BICD1: variants seen among roughly 807,000 people sequenced by gnomAD.
The protein encoded by BICD1 is protein bicaudal D homolog 1.
Under a neutral mutation model 92.5 loss-of-function variants are expected in BICD1, and 35 were observed. The observed-to-expected ratio is 0.38, with a 90% CI of 0.29 to 0.50. The LOEUF is 0.50. BICD1 is among the 20% of genes least tolerant of loss of function. BICD1 has a pLI of 0.93. For synonymous variants in BICD1, 429 were observed against 465.1 expected, an observed-to-expected ratio of 0.92 and a Z score of 1.00; for missense variants, 950 against 1,189.8, an observed-to-expected ratio of 0.80 and a Z score of 2.97.
intron 1 of BICD1, chr12:32,109,117 G>A: frequency 6.5e-6 from 1 of 154,500 alleles, no homozygotes; most frequent in Non-Finnish European, 1.4e-5. Flanking sequence ...ACCTCTTACT[G>A]ACTTTGCTGC....
intron 1 of BICD1, among the ~76,000 whole-genome samples, chr12:32,199,913 G>T (rs1944856868): frequency 6.6e-6 from 1 of 151,848 alleles, no homozygotes; most frequent in Non-Finnish European, 1.5e-5. Flanking sequence ...ATGCTTTAAG[G>T]CCCAGGAAAA....
At chr12:32,252,066 T>C (rs1206060189) in intron 2 of BICD1, among the ~76,000 whole-genome samples, 3 of 75,992 alleles carry the variant, frequency 3.9e-5, no homozygotes, top group Non-Finnish European at 5.1e-5. Flanking sequence ...ATATATTATA[T>C]ATTTATAATA....
intron 9 of BICD1, among the ~76,000 whole-genome samples, chr12:32,376,574 T>G (rs1437456064): frequency 6.6e-6 from 1 of 151,170 alleles, no homozygotes; most frequent in Non-Finnish European, 1.5e-5. Context: ...ACTTAACAAA[T>G]GGGAAATGTT....
intron 1 of BICD1, among the ~76,000 whole-genome samples, chr12:32,169,900 A>G (rs901488242): frequency 6.6e-6 from 1 of 152,206 alleles, no homozygotes; most frequent in Admixed American, 6.5e-5. Context: ...CTGGCCCCCA[A>G]GATACACTTT....
At chr12:32,215,793 CA>C (rs11316550) in intron 1 of BICD1, among the ~76,000 whole-genome samples, 102,205 of 148,528 alleles carry the variant, frequency 0.69, 35,540 homozygotes, top group East Asian at 0.88. Flanking sequence ...ACTAAAAATA[CA>C]AAAAAAAAAA....
At chr12:32,115,387 G>GTTTTTTTTTTT (rs4035442) in intron 1 of BICD1, among the ~76,000 whole-genome samples, 5 of 142,416 alleles carry the variant, frequency 3.5e-5, no homozygotes, top group Non-Finnish European at 7.6e-5. Context: ...GGTGTTTTTG[G>GTTTTTTTTTTT]TTTTTTTTTT....
intron 1 of BICD1, chr12:32,107,898 C>T (rs941177407): frequency 1.7e-6 from 1 of 580,858 alleles, no homozygotes; most frequent in South Asian, 2.0e-5. Flanking sequence ...CAGGTTTCAG[C>T]GACAATTTCG....
intron 1 of BICD1, among the ~76,000 whole-genome samples, chr12:32,215,298 T>C (rs909611345): frequency 3.3e-5 from 5 of 152,176 alleles, no homozygotes; most frequent in Admixed American, 2.6e-4. Context: ...TTCTGTCACG[T>C]TTCAGTCTCC....
At chr12:32,341,010 C>T (rs77529195) in intron 8 of BICD1, among the ~76,000 whole-genome samples, 6,570 of 152,250 alleles carry the variant, frequency 0.043, 455 homozygotes, top group African/African-American at 0.15. Flanking sequence ...GCCCATAAAA[C>T]ACTTTCCCTT....
rs1424082544 is a variant in BICD1 at position 32,377,536 on chromosome 12, C to T, written c.2841-4C>T. On this transcript the variant is annotated splice_region_variant and splice_polypyrimidine_tract_variant and intron_variant, in intron 9 of 9. Coordinates refer to ENST00000652176, the MANE Select transcript of BICD1 (RefSeq NM_001714.4). ...TTGCTGACGTGCTTGTTTCTCCTTT[C>T]CAGTCCTGACACAGCTCTCCCTGAG... 6.2e-7 allele frequency: 1 copy of T among 1,613,454 alleles called. No individual in the cohort carries two copies.
chr12:32,196,033 T>C (rs2121535353), intron 1 of BICD1, among the ~76,000 whole-genome samples: 1 of 152,196 alleles, frequency 6.6e-6, no homozygotes, highest in African/African-American at 2.4e-5. Flanking sequence ...CTGACAGACA[T>C]GTGAAAAGTT....
At chr12:32,243,498 G>A (rs1023852071) in intron 2 of BICD1, among the ~76,000 whole-genome samples, 2 of 151,820 alleles carry the variant, frequency 1.3e-5, no homozygotes, top group African/African-American at 4.8e-5. Context: ...TTGATCAAAT[G>A]GTAGAAGACT....
At position 32,148,005 on chromosome 12, in the gene BICD1, G is replaced by A. The variant is rs117997573; in HGVS notation, c.213+40461G>A. On this transcript the variant is annotated intron_variant, in intron 1 of 9. Coordinates refer to ENST00000652176, the MANE Select transcript of BICD1 (RefSeq NM_001714.4). Reference sequence around the variant, plus strand: ...AAAATAAGAAAAATTAGTCAGATGTGGTGGTGCACACCTGTGGTCCCAGCT... The same window carrying A: ...AAAATAAGAAAAATTAGTCAGATGTAGTGGTGCACACCTGTGGTCCCAGCT... Among the ~76,000 whole-genome samples, 2,277 of 151,948 alleles carry A rather than the reference G, an allele frequency of 0.015. 89 individuals carry two copies. In the East Asian group the frequency reaches 0.16, roughly 11 times the overall value.
chr12:32,237,346 G>A (rs60996971), intron 2 of BICD1, among the ~76,000 whole-genome samples: 7,364 of 152,318 alleles, frequency 0.048, 293 homozygotes, highest in East Asian at 0.21. Context: ...AGCAAGTGCT[G>A]ATAGAGAAGC....
At chr12:32,154,454 C>T (rs1943380270) in intron 1 of BICD1, among the ~76,000 whole-genome samples, 1 of 152,182 alleles carries the variant, frequency 6.6e-6, no homozygotes, top group African/African-American at 2.4e-5. Flanking sequence ...CAGCAACCTC[C>T]TCTTGACAGT....
chr12:32,209,314 A>C (rs774639216), intron 1 of BICD1, among the ~76,000 whole-genome samples: 24 of 152,254 alleles, frequency 1.6e-4, no homozygotes, highest in Non-Finnish European at 3.1e-4. Flanking sequence ...TATTTGAAGT[A>C]GAAGAAACCA....
At chr12:32,357,049 T>C (rs542669035) in intron 8 of BICD1, among the ~76,000 whole-genome samples, 1 of 151,480 alleles carries the variant, frequency 6.6e-6, no homozygotes, top group South Asian at 2.1e-4. Context: ...TTCGCTCTTG[T>C]TGCCCAAGCT....
At chr12:32,116,702 C>A (rs12319855) in intron 1 of BICD1, among the ~76,000 whole-genome samples, 3,376 of 145,670 alleles carry the variant, frequency 0.023, 68 homozygotes, top group African/African-American at 0.05. Flanking sequence ...TTTTTTTAAC[C>A]TGATTTTGTT....
At chr12:32,342,867 G>A (rs1392103197) in intron 8 of BICD1, among the ~76,000 whole-genome samples, 1 of 152,116 alleles carries the variant, frequency 6.6e-6, no homozygotes, top group Non-Finnish European at 1.5e-5. Context: ...ATCAACTATA[G>A]GGTGAGGCAC....
Sources: allele counts gnomAD v4.1 joint callset (sites outside exome capture counted in the v4.1 genomes callset), GRCh38; gene constraint gnomAD v4.1.1; transcripts MANE v1.5; gene names NCBI Gene and HGNC (gene_info 2026-07-23, HGNC 2026-07-21).